Variants in RBFOX1 observed in about 807,000 individuals in gnomAD.
The protein encoded by RBFOX1 is RNA binding protein fox-1 homolog 1.
Under a neutral mutation model 57.7 loss-of-function variants are expected in RBFOX1, and 8 were observed. That is an observed-to-expected ratio of 0.14 (90% confidence interval 0.08 to 0.25). RBFOX1 has a LOEUF of 0.25. RBFOX1 is among the 10% of genes least tolerant of loss of function. The pLI, the probability that RBFOX1 is intolerant of heterozygous loss-of-function variation, is 1.00. For missense variants in RBFOX1, 611 were observed against 548.5 expected, an observed-to-expected ratio of 1.11 and a Z score of -1.14; for synonymous variants, 326 against 222.4, an observed-to-expected ratio of 1.47 and a Z score of -4.15.
At chr16:6,601,970 A>T (rs78259179) in intron 2 of RBFOX1, among the ~76,000 whole-genome samples, 6,462 of 151,902 alleles carry the variant, frequency 0.043, 430 homozygotes, top group East Asian at 0.36. Flanking sequence ...CAGATAAACA[A>T]CTCTTCTCTC....
intron 1 of RBFOX1, among the ~76,000 whole-genome samples, chr16:5,396,419 C>T (rs1465091980): frequency 1.3e-5 from 2 of 151,970 alleles, no homozygotes; most frequent in African/African-American, 2.4e-5. Context: ...GGCAGGTGAA[C>T]CACTTGAGGC....
chr16:7,452,583 T>C (rs948306551), intron 4 of RBFOX1, among the ~76,000 whole-genome samples: 3 of 152,228 alleles, frequency 2.0e-5, no homozygotes, highest in African/African-American at 4.8e-5. Flanking sequence ...TGGATTGATA[T>C]CTTTATTTAT....
At chr16:6,779,162 C>T (rs1219291294) in intron 3 of RBFOX1, among the ~76,000 whole-genome samples, 1 of 152,016 alleles carries the variant, frequency 6.6e-6, no homozygotes. Flanking sequence ...TCTAACTCCC[C>T]CTTGCTCTCA....
chr16:6,302,027 C>G (rs1416484049), intron 1 of RBFOX1, among the ~76,000 whole-genome samples: 2 of 152,118 alleles, frequency 1.3e-5, no homozygotes, highest in Non-Finnish European at 2.9e-5. Flanking sequence ...GTTCTTACCA[C>G]TATATGTTAC....
At chr16:6,875,182 C>A (rs1239147489) in intron 3 of RBFOX1, among the ~76,000 whole-genome samples, 2 of 152,164 alleles carry the variant, frequency 1.3e-5, no homozygotes, top group Non-Finnish European at 2.9e-5. Context: ...TAATCATCTT[C>A]TTTGTATTAT....
At chr16:6,298,747 G>A (rs1369488404) in intron 1 of RBFOX1, among the ~76,000 whole-genome samples, 2 of 152,168 alleles carry the variant, frequency 1.3e-5, no homozygotes, top group African/African-American at 4.8e-5. Context: ...TTTTCCAAAG[G>A]TTAGCTTTTG....
intron 3 of RBFOX1, among the ~76,000 whole-genome samples, chr16:6,856,017 C>A (rs1014224015): frequency 1.3e-5 from 2 of 152,082 alleles, no homozygotes; most frequent in Non-Finnish European, 2.9e-5. Context: ...CCCTTATATT[C>A]TCTAACTAGG....
intron 4 of RBFOX1, among the ~76,000 whole-genome samples, chr16:7,139,944 A>G (rs1373106578): frequency 2.0e-5 from 3 of 152,094 alleles, no homozygotes; most frequent in African/African-American, 7.2e-5. Context: ...CCTGGAAGGA[A>G]GAACTGACAT....
At chr16:6,487,687 AAAAAAAAAAAAAAATAT>A (rs2095522052) in intron 2 of RBFOX1, among the ~76,000 whole-genome samples, 2 of 19,822 alleles carry the variant, frequency 1.0e-4, no homozygotes, top group African/African-American at 1.6e-4. Flanking sequence ...AAAAAAAAAA[AAAAAAAAAAAAAAATAT>A]ATATATATAT....
At chr16:5,934,559 T>G (rs1255341247) in intron 4 of RBFOX1, among the ~76,000 whole-genome samples, 1 of 152,206 alleles carries the variant, frequency 6.6e-6, no homozygotes, top group African/African-American at 2.4e-5. Flanking sequence ...GCCTGCAGTA[T>G]GGACAGATCC....
At chr16:6,683,037 C>T (rs998685212) in intron 3 of RBFOX1, among the ~76,000 whole-genome samples, 1 of 151,942 alleles carries the variant, frequency 6.6e-6, no homozygotes, top group East Asian at 1.9e-4. Context: ...TCCATATGAC[C>T]CTGCTTTTAG....
chr16:7,310,364 A>C (rs1603618096), intron 4 of RBFOX1, among the ~76,000 whole-genome samples: 1 of 152,158 alleles, frequency 6.6e-6, no homozygotes, highest in African/African-American at 2.4e-5. Context: ...CTGTCATGCT[A>C]TAGCCCTGAT....
intron 3 of RBFOX1, among the ~76,000 whole-genome samples, chr16:6,830,704 G>A (rs964542596): frequency 3.9e-5 from 6 of 152,142 alleles, no homozygotes; most frequent in African/African-American, 7.2e-5. Flanking sequence ...GTTAAGAAAC[G>A]TTGCTCTATC....
At chr16:7,159,913 TG>T (rs2077943663) in intron 4 of RBFOX1, among the ~76,000 whole-genome samples, 2 of 152,236 alleles carry the variant, frequency 1.3e-5, no homozygotes, top group Admixed American at 6.5e-5. Context: ...AGGCACCAGA[TG>T]ATTGCATTTT....
intron 1 of RBFOX1, among the ~76,000 whole-genome samples, chr16:5,444,183 G>C (rs1472080270): frequency 1.3e-5 from 2 of 152,146 alleles, no homozygotes; most frequent in Non-Finnish European, 2.9e-5. Context: ...AATGAACATA[G>C]GTGGTCTGAT....
chr16:7,045,760 G>T (rs987820465), intron 3 of RBFOX1, among the ~76,000 whole-genome samples: 25 of 152,126 alleles, frequency 1.6e-4, no homozygotes, highest in Non-Finnish European at 2.6e-4. Context: ...GGTTCAAGCA[G>T]TTCTCTTGCC....
At chr16:6,707,289 G>C (rs2062918942) in intron 3 of RBFOX1, among the ~76,000 whole-genome samples, 1 of 152,154 alleles carries the variant, frequency 6.6e-6, no homozygotes, top group Non-Finnish European at 1.5e-5. Flanking sequence ...TTCTGAAAGT[G>C]AGGCTGAGAC....
At chr16:7,397,140 A>G (rs1568621482) in intron 4 of RBFOX1, among the ~76,000 whole-genome samples, 1 of 152,156 alleles carries the variant, frequency 6.6e-6, no homozygotes, top group Non-Finnish European at 1.5e-5. Flanking sequence ...TTAAAAGTGC[A>G]CTGAATTGTA....
chr16:6,785,207 G>C (rs1033302667), intron 3 of RBFOX1, among the ~76,000 whole-genome samples: 1 of 151,998 alleles, frequency 6.6e-6, no homozygotes, highest in Non-Finnish European at 1.5e-5. Context: ...AATGACAAAG[G>C]AGAGAATTTG....
Sources: allele counts gnomAD v4.1 joint callset (sites outside exome capture counted in the v4.1 genomes callset), GRCh38; gene constraint gnomAD v4.1.1; transcripts MANE v1.5; gene names NCBI Gene and HGNC (gene_info 2026-07-23, HGNC 2026-07-21).